Variants in XKR6 observed in about 807,000 individuals in gnomAD.
The protein encoded by XKR6 is XK related 6, also known as XK-related protein 6.
XKR6 carries 22 observed loss-of-function variants against 56.7 expected under a neutral mutation model. The ratio of observed to expected loss-of-function variants is 0.39; its 90% CI spans 0.28 to 0.55. The LOEUF is 0.55. XKR6 is among the 20% of genes least tolerant of loss of function. The pLI is 0.66. For synonymous variants in XKR6, 524 were observed against 387.8 expected, an observed-to-expected ratio of 1.35 and a Z score of -4.13; for missense variants, 852 against 889.0, an observed-to-expected ratio of 0.96 and a Z score of 0.53.
At chr8:11,055,312 G>C (rs7841843) in intron 1 of XKR6, among the ~76,000 whole-genome samples, 1,652 of 152,276 alleles carry the variant, frequency 0.011, 24 homozygotes, top group African/African-American at 0.038. Context: ...TCCCTAGGGT[G>C]GGGGAGGAGG....
intron 1 of XKR6, among the ~76,000 whole-genome samples, chr8:11,152,887 T>A (rs995188055): frequency 5.3e-5 from 8 of 152,198 alleles, no homozygotes; most frequent in Non-Finnish European, 4.4e-5. Flanking sequence ...TTTCCATAGT[T>A]CAGCAAAAAT....
At chr8:11,025,481 G>A (rs1244887267) in intron 1 of XKR6, among the ~76,000 whole-genome samples, 1 of 152,184 alleles carries the variant, frequency 6.6e-6, no homozygotes, top group African/African-American at 2.4e-5. Flanking sequence ...GATAGAGGAA[G>A]CCAGAGACAC....
intron 1 of XKR6, among the ~76,000 whole-genome samples, chr8:10,982,498 G>C (rs963769548): frequency 2.0e-5 from 3 of 152,160 alleles, no homozygotes; most frequent in African/African-American, 7.2e-5. Context: ...CTGTACCTGG[G>C]CCTTGATGTA....
chr8:11,103,194 C>T (rs1284137714), intron 1 of XKR6, among the ~76,000 whole-genome samples: 1 of 151,976 alleles, frequency 6.6e-6, no homozygotes, highest in African/African-American at 2.4e-5. Context: ...AAATAAAATC[C>T]AGGGAGAAGA....
At chr8:11,188,101 T>C (rs7842509) in intron 1 of XKR6, among the ~76,000 whole-genome samples, 2,115 of 152,276 alleles carry the variant, frequency 0.014, 60 homozygotes, top group African/African-American at 0.048. Context: ...AATGTGTGTA[T>C]CACATTACAG....
At chr8:11,098,908 G>A (rs150894984) in intron 1 of XKR6, among the ~76,000 whole-genome samples, 2,779 of 150,256 alleles carry the variant, frequency 0.018, 33 homozygotes, top group Non-Finnish European at 0.028. Flanking sequence ...TTCCCCCATG[G>A]AAAAAAAAAT....
chr8:11,184,236 A>G (rs1439112771), intron 1 of XKR6, among the ~76,000 whole-genome samples: 1 of 152,200 alleles, frequency 6.6e-6, no homozygotes, highest in Non-Finnish European at 1.5e-5. Flanking sequence ...TTAGCCACAC[A>G]GGTCACAGAT....
At chr8:10,974,999 T>A (rs909612153) in intron 1 of XKR6, among the ~76,000 whole-genome samples, 7 of 152,204 alleles carry the variant, frequency 4.6e-5, no homozygotes, top group African/African-American at 7.2e-5. Flanking sequence ...AGCTTTTTTT[T>A]AAAAAGAACA....
intron 1 of XKR6, among the ~76,000 whole-genome samples, chr8:10,971,340 G>A (rs971229087): frequency 6.6e-6 from 1 of 151,946 alleles, no homozygotes; most frequent in African/African-American, 2.4e-5. Flanking sequence ...AGAATGGCGT[G>A]AACCCAGGAG....
intron 1 of XKR6, among the ~76,000 whole-genome samples, chr8:11,115,571 T>C (rs1253285605): frequency 6.6e-6 from 1 of 152,244 alleles, no homozygotes; most frequent in East Asian, 1.9e-4. Flanking sequence ...TTCAATGTTT[T>C]GCATTTCTCT....
In XKR6 at chr8:11,114,721, T is replaced by TCA. The variant is rs1211611362; in HGVS notation, c.764+85853_764+85854dup. 4.3e-3 allele frequency among the ~76,000 whole-genome samples: 541 copies of TCA among 125,960 alleles called. 16 individuals carry two copies. Among genetic ancestry groups the TCA allele is most frequent in the Non-Finnish European group, 5.2e-3 (307 of 58,976 alleles). 82.6% of individuals were successfully genotyped at this position (125,960 alleles called of 152,430 possible). A position where few individuals can be genotyped will look rare whatever the true frequency, so the allele number is the denominator to read the frequency against. ...ATTTTAATGAAGTCAGCTACTTAGATCACATATGTGTGTGTGTGTGTGTGT... is the reference window on the plus strand; with the variant it reads ...ATTTTAATGAAGTCAGCTACTTAGATCACACATATGTGTGTGTGTGTGTGTGT... On this transcript the variant is annotated intron_variant, in intron 1 of 2. Transcript: ENST00000416569.
At chr8:10,999,665 G>A (rs1798194976) in intron 1 of XKR6, among the ~76,000 whole-genome samples, 1 of 152,212 alleles carries the variant, frequency 6.6e-6, no homozygotes, top group African/African-American at 2.4e-5. Flanking sequence ...TTCTGCAGAT[G>A]TGACCAAGCT....
intron 1 of XKR6, among the ~76,000 whole-genome samples, chr8:11,082,513 T>C (rs187129133): frequency 5.1e-4 from 77 of 152,256 alleles, no homozygotes; most frequent in Non-Finnish European, 6.6e-4. Context: ...TCTGGTGTTC[T>C]TGCGTTGTCT....
intron 1 of XKR6, among the ~76,000 whole-genome samples, chr8:11,055,822 G>T (rs1799668972): frequency 1.3e-5 from 2 of 151,356 alleles, no homozygotes; most frequent in African/African-American, 4.9e-5. Flanking sequence ...ATGGGTCGGG[G>T]GTGGGCAAGA....
chr8:10,908,283 T>C (rs1394419955), intron 2 of XKR6, among the ~76,000 whole-genome samples: 1 of 152,104 alleles, frequency 6.6e-6, no homozygotes, highest in Non-Finnish European at 1.5e-5. Flanking sequence ...TATTGTAAAC[T>C]GCAGCACGGC....
intron 1 of XKR6, among the ~76,000 whole-genome samples, chr8:11,177,043 A>C (rs1440037663): frequency 6.6e-6 from 1 of 152,190 alleles, no homozygotes; most frequent in African/African-American, 2.4e-5. Context: ...TGTCCACTCT[A>C]AAGATAGAGA....
chr8:11,052,768 G>A (rs1429370940), intron 1 of XKR6, among the ~76,000 whole-genome samples: 1 of 149,822 alleles, frequency 6.7e-6, no homozygotes, highest in African/African-American at 2.5e-5. Context: ...TGAGCCCAGA[G>A]CAGCACACTC....
intron 1 of XKR6, chr8:11,194,549 T>C (rs1324986640): frequency 1.3e-5 from 2 of 152,224 alleles, no homozygotes; most frequent in Non-Finnish European, 2.9e-5. Context: ...TAGCACATCA[T>C]GGGGAGTAAA....
intron 1 of XKR6, among the ~76,000 whole-genome samples, chr8:11,175,946 G>C (rs112955880): frequency 5.8e-4 from 88 of 152,266 alleles, no homozygotes; most frequent in African/African-American, 2.0e-3. Flanking sequence ...AAGAAAAACA[G>C]GGAAATGCTG....
Sources: gnomAD v4.1 joint callset for allele counts (sites outside exome capture counted in the v4.1 genomes callset) on GRCh38, gnomAD v4.1.1 for gene constraint, MANE v1.5 for transcripts, NCBI Gene and HGNC (gene_info 2026-07-23, HGNC 2026-07-21) for gene names.